Variants in ACACA observed in about 807,000 individuals in gnomAD.
ACACA encodes acetyl-CoA carboxylase alpha.
In ACACA, 103 loss-of-function variants were observed where a neutral mutation model predicts 296.1. The observed-to-expected ratio is 0.35, with a 90% CI of 0.30 to 0.41. ACACA has a LOEUF of 0.41. ACACA is among the 10% of genes least tolerant of loss of function. The pLI is 1.00. For synonymous variants in ACACA, 953 were observed against 1,038.6 expected (o/e 0.92, Z 1.58); for missense variants, 1,554 against 2,989.7 (o/e 0.52, Z 11.20).
intron 29 of ACACA, among the ~76,000 whole-genome samples, chr17:37,215,339 C>G (rs1031793271): frequency 6.6e-6 from 1 of 152,112 alleles, no homozygotes; most frequent in Non-Finnish European, 1.5e-5. Context: ...CAAAGTACAC[C>G]TCCATCTCCT....
intron 54 of ACACA, among the ~76,000 whole-genome samples, chr17:37,090,710 C>CT (rs1420330444): frequency 6.6e-6 from 1 of 152,204 alleles, no homozygotes; most frequent in Non-Finnish European, 1.5e-5. Context: ...TTAACTCACT[C>CT]TTGTGACCCA....
At chr17:37,364,996 A>G (rs1597716329) in intron 1 of ACACA, among the ~76,000 whole-genome samples, 1 of 152,108 alleles carries the variant, frequency 6.6e-6, no homozygotes, top group African/African-American at 2.4e-5. Flanking sequence ...TTTCTGAGAC[A>G]GAGTCTCGCT....
intron 1 of ACACA, chr17:37,377,841 T>C: frequency 6.5e-7 from 1 of 1,531,258 alleles, no homozygotes; most frequent in Non-Finnish European, 9.0e-7. Context: ...TCCCCAAACC[T>C]TCCCCGGTTC....
chr17:37,250,721 G>C (rs535489356), intron 16 of ACACA, among the ~76,000 whole-genome samples: 1 of 152,070 alleles, frequency 6.6e-6, no homozygotes, highest in Non-Finnish European at 1.5e-5. Context: ...AACTTTATTT[G>C]AGAGTCTTTA....
chr17:37,139,276 T>C (rs2075461311), intron 45 of ACACA, among the ~76,000 whole-genome samples: 1 of 152,208 alleles, frequency 6.6e-6, no homozygotes, highest in South Asian at 2.1e-4. Context: ...GACAATGTTT[T>C]ATTAGAAACA....
intron 1 of ACACA, among the ~76,000 whole-genome samples, chr17:37,386,440 A>G (rs1460248607): frequency 6.6e-6 from 1 of 152,046 alleles, no homozygotes; most frequent in Non-Finnish European, 1.5e-5. Context: ...AAAAATACAA[A>G]AATTAGCCGG....
At chr17:37,404,747 T>G (rs2051409287) in intron 1 of ACACA, among the ~76,000 whole-genome samples, 1 of 151,932 alleles carries the variant, frequency 6.6e-6, no homozygotes, top group Non-Finnish European at 1.5e-5. Context: ...GCTAATTTTT[T>G]TTGTATTTTT....
intron 1 of ACACA, chr17:37,367,153 T>C (rs1459130601): frequency 1.3e-5 from 2 of 151,496 alleles, no homozygotes; most frequent in East Asian, 3.9e-4. Context: ...AGGTAGAAAG[T>C]TATTTTCCAA....
chr17:37,286,864 A>G (rs1598404625), intron 3 of ACACA, among the ~76,000 whole-genome samples: 1 of 152,182 alleles, frequency 6.6e-6, no homozygotes, highest in African/African-American at 2.4e-5. Flanking sequence ...TTCTGGTAAC[A>G]CTACCTCCCC....
At chr17:37,355,386 T>C (rs2049089116) in intron 1 of ACACA, among the ~76,000 whole-genome samples, 1 of 148,652 alleles carries the variant, frequency 6.7e-6, no homozygotes, top group Non-Finnish European at 1.5e-5. Context: ...TGAATCCCCG[T>C]CTCTACTAAA....
At chr17:37,406,185 G>A in intron 1 of ACACA, 77 bp downstream of exon 1, 1 of 1,511,190 alleles carries the variant, frequency 6.6e-7, no homozygotes, top group South Asian at 1.1e-5. Flanking sequence ...GCAATGTCTG[G>A]CATGCAATAA....
intron 41 of ACACA, chr17:37,162,564 G>C (rs532955112): frequency 3.9e-6 from 1 of 259,292 alleles, no homozygotes; most frequent in Non-Finnish European, 7.5e-6. Flanking sequence ...AGATCTGGTT[G>C]TTTGAAAGAG....
intron 39 of ACACA, among the ~76,000 whole-genome samples, chr17:37,184,548 T>C (rs532698387): frequency 6.6e-6 from 1 of 152,242 alleles, no homozygotes; most frequent in South Asian, 2.1e-4. Context: ...TGTAAAAATT[T>C]CGATAAATCC....
intron 42 of ACACA, among the ~76,000 whole-genome samples, chr17:37,158,744 T>C (rs555879041): frequency 6.6e-6 from 1 of 152,258 alleles, no homozygotes; most frequent in African/African-American, 2.4e-5. Flanking sequence ...TCTACCCTAC[T>C]TTCTATATTG....
At chr17:37,213,026 A>G (rs1311847933) in intron 29 of ACACA, among the ~76,000 whole-genome samples, 4 of 152,094 alleles carry the variant, frequency 2.6e-5, no homozygotes, top group Non-Finnish European at 5.9e-5. Context: ...ACGCAAAAAT[A>G]GTCAAATTAG....
chr17:37,155,416 G>C (rs1198252183), intron 43 of ACACA, among the ~76,000 whole-genome samples: 2 of 152,078 alleles, frequency 1.3e-5, no homozygotes, highest in Admixed American at 6.5e-5. Context: ...CTGAAGGTGG[G>C]ATTGTGGCTA....
chr17:37,244,491 T>C, intron 21 of ACACA, 97 bp downstream of exon 21: 1 of 1,493,552 alleles, frequency 6.7e-7, no homozygotes, highest in Non-Finnish European at 9.3e-7. Context: ...ACAGCTTTCT[T>C]TTCCTCCCTC....
intron 29 of ACACA, among the ~76,000 whole-genome samples, chr17:37,212,567 G>C (rs760899328): frequency 5.9e-5 from 9 of 152,054 alleles, no homozygotes; most frequent in Non-Finnish European, 1.0e-4. Flanking sequence ...GATAAGCAAG[G>C]AAGGAAGGAA....
At chr17:37,172,011 C>A (rs983288286) in intron 41 of ACACA, among the ~76,000 whole-genome samples, 7 of 152,108 alleles carry the variant, frequency 4.6e-5, no homozygotes, top group African/African-American at 1.7e-4. Context: ...CTCTGGTGCC[C>A]CCCGCTACTC....
Sources: allele counts gnomAD v4.1 joint callset (sites outside exome capture counted in the v4.1 genomes callset), GRCh38; gene constraint gnomAD v4.1.1; transcripts MANE v1.5; gene names NCBI Gene and HGNC (gene_info 2026-07-23, HGNC 2026-07-21).